SGCZ: variants seen among roughly 807,000 people sequenced by gnomAD.
The protein encoded by SGCZ is sarcoglycan zeta.
SGCZ carries 40 observed loss-of-function variants against 41.3 expected under a neutral mutation model. The ratio of observed to expected loss-of-function variants is 0.97; its 90% CI spans 0.75 to 1.26. The LOEUF (loss-of-function observed/expected upper bound fraction) is 1.26, where lower values mean the gene tolerates loss of function less well. SGCZ is among the 50% of genes most tolerant of loss of function. The pLI, the probability that SGCZ is intolerant of heterozygous loss-of-function variation, is 0.00. For missense variants in SGCZ, 552 were observed against 369.8 expected (o/e 1.49, Z -4.04); for synonymous variants, 206 against 137.5 (o/e 1.50, Z -3.49).
chr8:14,753,513 T>G (rs1029682578), intron 1 of SGCZ, among the ~76,000 whole-genome samples: 1 of 152,230 alleles, frequency 6.6e-6, no homozygotes, highest in Non-Finnish European at 1.5e-5. Flanking sequence ...GCTGGCATTT[T>G]CTCACTTCTG....
chr8:14,250,458 T>A (rs1042655404), intron 3 of SGCZ, among the ~76,000 whole-genome samples: 21 of 152,184 alleles, frequency 1.4e-4, no homozygotes, highest in Admixed American at 3.9e-4. Context: ...CATACCTCCA[T>A]GTTATAATCA....
intron 1 of SGCZ, among the ~76,000 whole-genome samples, chr8:14,645,464 T>TTATATATATATATTTATATATA (rs1554472093): frequency 1.9e-5 from 2 of 105,192 alleles, no homozygotes; most frequent in African/African-American, 6.9e-5. Flanking sequence ...GTATCATTGA[T>TTATATATATATATTTATATATA]TATATATATA....
intron 1 of SGCZ, among the ~76,000 whole-genome samples, chr8:15,102,018 A>T (rs1055123748): frequency 2.0e-5 from 3 of 152,172 alleles, no homozygotes; most frequent in African/African-American, 7.2e-5. Flanking sequence ...CAGCAATCAC[A>T]CCTCTAGCCT....
chr8:15,114,658 G>A (rs1411702344), intron 1 of SGCZ, among the ~76,000 whole-genome samples: 1 of 152,016 alleles, frequency 6.6e-6, no homozygotes, highest in Non-Finnish European at 1.5e-5. Flanking sequence ...AATAGTTACT[G>A]AACCCATACA....
intron 4 of SGCZ, among the ~76,000 whole-genome samples, chr8:14,213,006 G>A (rs766512232): frequency 2.6e-4 from 40 of 152,094 alleles, no homozygotes; most frequent in Non-Finnish European, 4.3e-4. Context: ...CAGATCAATA[G>A]GATTACTCAG....
intron 1 of SGCZ, among the ~76,000 whole-genome samples, chr8:14,621,817 T>G (rs1039134495): frequency 6.6e-6 from 1 of 152,082 alleles, no homozygotes; most frequent in Admixed American, 6.6e-5. Context: ...CAATTTGACC[T>G]GAGATTTGGT....
intron 1 of SGCZ, among the ~76,000 whole-genome samples, chr8:14,921,883 A>G (rs890501984): frequency 1.3e-5 from 2 of 152,206 alleles, no homozygotes; most frequent in Non-Finnish European, 2.9e-5. Flanking sequence ...ATAAAAGTGA[A>G]ATGGTGTTAA....
rs756558172 is a variant in SGCZ at position 15,072,451 on chromosome 8, A to C, written c.39+165134T>G. 1.5e-4 allele frequency among the ~76,000 whole-genome samples: 23 copies of C among 152,182 alleles called. 1 individual carries two copies. Among genetic ancestry groups the C allele is most frequent in the Admixed American group, 7.9e-4 (12 of 15,276 alleles). ...CCCATTAATTTCATCCTAGTGGTTAAAGCATTTTTTCTACAAACACGTTAA... is the reference window on the plus strand; with the variant it reads ...CCCATTAATTTCATCCTAGTGGTTACAGCATTTTTTCTACAAACACGTTAA... On this transcript the variant is annotated intron_variant, in intron 1 of 7. Coordinates refer to ENST00000382080, the MANE Select transcript of SGCZ (RefSeq NM_139167.4).
chr8:14,283,294 AT>A (rs1313529270), intron 3 of SGCZ, among the ~76,000 whole-genome samples: 3 of 152,130 alleles, frequency 2.0e-5, no homozygotes, highest in Non-Finnish European at 2.9e-5. Context: ...TGCTCAATTA[AT>A]TCTGAGCCCT....
intron 1 of SGCZ, among the ~76,000 whole-genome samples, chr8:15,115,234 G>C (rs1807223599): frequency 6.6e-6 from 1 of 152,108 alleles, no homozygotes; most frequent in African/African-American, 2.4e-5. Context: ...TCAAAGGCAG[G>C]GCAGTTGGAA....
intron 5 of SGCZ, among the ~76,000 whole-genome samples, chr8:14,131,972 A>G (rs1457514807): frequency 1.3e-5 from 2 of 152,168 alleles, no homozygotes; most frequent in African/African-American, 4.8e-5. Flanking sequence ...TGATGTTCAC[A>G]TAATGATGAA....
intron 1 of SGCZ, among the ~76,000 whole-genome samples, chr8:15,077,024 G>A (rs993844885): frequency 1.3e-5 from 2 of 152,052 alleles, no homozygotes; most frequent in Non-Finnish European, 2.9e-5. Context: ...TTTAAGTTAC[G>A]ACGCCAAAAG....
chr8:14,246,674 G>A (rs1365585929), intron 3 of SGCZ, among the ~76,000 whole-genome samples: 1 of 151,526 alleles, frequency 6.6e-6, no homozygotes, highest in African/African-American at 2.4e-5. Flanking sequence ...TTGGGACGCC[G>A]AGGCGGGCAG....
At chr8:14,519,940 G>C (rs1802740905) in intron 2 of SGCZ, among the ~76,000 whole-genome samples, 1 of 151,722 alleles carries the variant, frequency 6.6e-6, no homozygotes, top group Non-Finnish European at 1.5e-5. Context: ...CATAAACCAT[G>C]GTTTAAATTA....
chr8:14,366,316 T>C (rs182710260), intron 2 of SGCZ, among the ~76,000 whole-genome samples: 1 of 152,238 alleles, frequency 6.6e-6, no homozygotes, highest in Non-Finnish European at 1.5e-5. Flanking sequence ...CCATCATACA[T>C]GGTGGCAAGA....
intron 1 of SGCZ, among the ~76,000 whole-genome samples, chr8:15,090,595 T>C (rs936160779): frequency 3.3e-5 from 5 of 152,154 alleles, no homozygotes; most frequent in East Asian, 1.9e-4. Context: ...GCTCTCATGT[T>C]AGTAATTAAG....
At chr8:14,738,264 A>G (rs1189499674) in intron 1 of SGCZ, among the ~76,000 whole-genome samples, 1 of 152,100 alleles carries the variant, frequency 6.6e-6, no homozygotes, top group African/African-American at 2.4e-5. Flanking sequence ...ATTTTACAGC[A>G]TGCTAGAATT....
rs558880212 is a variant in SGCZ at position 14,939,322 on chromosome 8, T to C, written c.39+298263A>G. On this transcript the variant is annotated intron_variant, in intron 1 of 7. Coordinates refer to ENST00000382080, the MANE Select transcript of SGCZ (RefSeq NM_139167.4). The stretch of plus-strand genomic sequence containing the variant: ...CTGTAAGGATCTGAAAATCAAAACC[T>C]AGCTCAAACTGTTAAGCATCTACCT... Among the ~76,000 whole-genome samples, 11 of 152,272 alleles carry C rather than the reference T, an allele frequency of 7.2e-5. No homozygotes were observed. In the South Asian group the frequency reaches 2.1e-3, roughly 29 times the overall value.
intron 1 of SGCZ, among the ~76,000 whole-genome samples, chr8:14,601,043 A>G (rs1478737725): frequency 6.7e-6 from 1 of 150,070 alleles, no homozygotes; most frequent in African/African-American, 2.4e-5. Flanking sequence ...TATATTTTAT[A>G]CATTTTATAT....
Sources: gnomAD v4.1 joint callset for allele counts (sites outside exome capture counted in the v4.1 genomes callset) on GRCh38, gnomAD v4.1.1 for gene constraint, MANE v1.5 for transcripts, NCBI Gene and HGNC (gene_info 2026-07-23, HGNC 2026-07-21) for gene names.